COP1: variants seen among roughly 807,000 people sequenced by gnomAD.
COP1 encodes the protein E3 ubiquitin-protein ligase COP1.
Under a neutral mutation model 101.3 loss-of-function variants are expected in COP1, and 24 were observed. The ratio of observed to expected loss-of-function variants is 0.24; its 90% CI spans 0.17 to 0.33. The LOEUF (loss-of-function observed/expected upper bound fraction) is 0.33. Among genes scored for constraint, COP1 ranks in the 10% least tolerant of loss-of-function variants. The probability of loss-of-function intolerance (pLI) is 1.00; values close to 1 mark genes in which losing one functional copy is unlikely to be tolerated. For missense variants in COP1, 663 were observed against 906.2 expected (o/e 0.73, Z 3.45); for synonymous variants, 347 against 341.9 (o/e 1.01, Z -0.17).
rs1351801625 is a variant in COP1, at chr1:176,058,099, C to T, written c.1278-11775G>A. The stretch of plus-strand genomic sequence containing the variant: ...GGAGGGAGGTGGGGAGGTCAGCCCC[C>T]GCCCGGCCAGCCACCCCGTCGGGAG... On this transcript the variant is annotated intron_variant, in intron 11 of 19. Transcript: ENST00000367669. Among the ~76,000 whole-genome samples the T allele has an allele frequency of 2.1e-3, 314 of 146,288 alleles. 1 individual carries two copies. Among genetic ancestry groups the T allele is most frequent in the African/African-American group, 7.4e-3 (295 of 39,882 alleles).
intron 1 of COP1, among the ~76,000 whole-genome samples, chr1:176,192,633 TACCCAATCACA>T (rs1240003650): frequency 6.6e-6 from 1 of 151,980 alleles, no homozygotes; most frequent in African/African-American, 2.4e-5. Flanking sequence ...TTCAGAAGAG[TACCCAATCACA>T]GGCCAATCAA....
intron 3 of COP1, among the ~76,000 whole-genome samples, chr1:176,170,089 T>C (rs1269458426): frequency 2.6e-5 from 4 of 152,226 alleles, no homozygotes; most frequent in Non-Finnish European, 5.9e-5. Flanking sequence ...TTCAGTCACA[T>C]CTTCAGGCTC....
At chr1:175,985,928 ATTTT>A (rs935956104) in intron 18 of COP1, among the ~76,000 whole-genome samples, 3 of 151,958 alleles carry the variant, frequency 2.0e-5, no homozygotes, top group Admixed American at 6.6e-5. Flanking sequence ...TCAAGTCAGA[ATTTT>A]TTTTGTCAAA....
At chr1:176,079,938 G>A (rs1428365067) in intron 11 of COP1, among the ~76,000 whole-genome samples, 1 of 152,084 alleles carries the variant, frequency 6.6e-6, no homozygotes, top group East Asian at 1.9e-4. Flanking sequence ...CATGAGGACT[G>A]CATGAGCCTA....
intron 11 of COP1, among the ~76,000 whole-genome samples, chr1:176,065,730 C>T (rs1400486765): frequency 3.0e-5 from 4 of 134,786 alleles, no homozygotes; most frequent in South Asian, 2.4e-4. Flanking sequence ...TTTTTTCAGA[C>T]GGAGTCTTGC....
At chr1:175,961,354 T>C (rs533083569) in intron 18 of COP1, among the ~76,000 whole-genome samples, 1 of 152,362 alleles carries the variant, frequency 6.6e-6, no homozygotes, top group East Asian at 1.9e-4. Context: ...CGTTTCATTA[T>C]ACAGTAGTGA....
chr1:176,131,639 T>C (rs1031918641), intron 8 of COP1, among the ~76,000 whole-genome samples: 7 of 151,780 alleles, frequency 4.6e-5, no homozygotes, highest in African/African-American at 1.7e-4. Context: ...AGCTAATAAT[T>C]CTGAAAGAAA....
intron 11 of COP1, among the ~76,000 whole-genome samples, chr1:176,060,002 C>A (rs1171698635): frequency 6.6e-6 from 1 of 152,048 alleles, no homozygotes; most frequent in Non-Finnish European, 1.5e-5. Flanking sequence ...TAGCAACCTG[C>A]TAGATAATTG....
intron 2 of COP1, among the ~76,000 whole-genome samples, chr1:176,181,183 T>C (rs1235164261): frequency 6.6e-6 from 1 of 152,148 alleles, no homozygotes; most frequent in Non-Finnish European, 1.5e-5. Context: ...TGTCTCCAAA[T>C]TGTTACTAGG....
chr1:175,988,250 C>T, intron 17 of COP1, 38 bp downstream of exon 17: 2 of 1,570,316 alleles, frequency 1.3e-6, no homozygotes, highest in South Asian at 1.2e-5. Context: ...ATAACAAACA[C>T]CTGTTAAAAA....
At chr1:176,009,329 A>G (rs765836327) in intron 15 of COP1, among the ~76,000 whole-genome samples, 85 of 152,248 alleles carry the variant, frequency 5.6e-4, no homozygotes, top group South Asian at 2.1e-4. Context: ...TCACAATTCA[A>G]AAACATTTTA....
intron 11 of COP1, among the ~76,000 whole-genome samples, chr1:176,060,696 A>G (rs1489356356): frequency 6.6e-6 from 1 of 152,200 alleles, no homozygotes; most frequent in Non-Finnish European, 1.5e-5. Flanking sequence ...TAAAACTATG[A>G]TATAAAGAAA....
intron 2 of COP1, among the ~76,000 whole-genome samples, chr1:176,183,922 C>A (rs1407328134): frequency 6.6e-6 from 1 of 152,006 alleles, no homozygotes; most frequent in Non-Finnish European, 1.5e-5. Flanking sequence ...TGGTGGCTGC[C>A]AGGGGATACA....
intron 9 of COP1, among the ~76,000 whole-genome samples, chr1:176,097,976 C>T (rs546436280): frequency 2.6e-5 from 4 of 151,656 alleles, no homozygotes; most frequent in Non-Finnish European, 4.4e-5. Context: ...TTTCAGTTCA[C>T]GTGACTTTAA....
chr1:176,151,353 A>AAGAAAGAAAG (rs1553292719), intron 5 of COP1, among the ~76,000 whole-genome samples: 1 of 115,992 alleles, frequency 8.6e-6, no homozygotes, highest in Non-Finnish European at 1.7e-5. Context: ...GAAAGAAAGA[A>AAGAAAGAAAG]AAAGAAAGAA....
chr1:176,206,459 C>T, intron 1 of COP1, 113 bp downstream of exon 1: 2 of 1,247,694 alleles, frequency 1.6e-6, no homozygotes, highest in Non-Finnish European at 2.3e-6. Flanking sequence ...CACCACAGCA[C>T]CAGTATCCCA....
chr1:176,027,693 G>C lies in COP1; in HGVS notation c.1613-5C>G, dbSNP rs1194942543. On this transcript the variant is annotated splice_polypyrimidine_tract_variant and splice_region_variant and intron_variant, in intron 14 of 19. Coordinates refer to ENST00000367669, the MANE Select transcript of COP1 (RefSeq NM_022457.7). Reference sequence around the variant, plus strand: ...GATTGGTAGACCACAGCTTCACTAAGGGCAAAGGACAATAAAAACAAAAAG... The same window carrying C: ...GATTGGTAGACCACAGCTTCACTAACGGCAAAGGACAATAAAAACAAAAAG... 6.5e-7 allele frequency: 1 copy of C among 1,546,056 alleles called. No homozygotes were observed. The highest frequency in any genetic ancestry group is 1.7e-5 in the Admixed American group (1 of 59,782).
At chr1:176,192,851 T>TA in intron 1 of COP1, among the ~76,000 whole-genome samples, 1 of 151,108 alleles carries the variant, frequency 6.6e-6, no homozygotes, top group Admixed American at 6.6e-5. Flanking sequence ...GTGTTCCTTG[T>TA]ATCCCTACTT....
chr1:176,012,770 C>T (rs1418062956), intron 15 of COP1, among the ~76,000 whole-genome samples: 2 of 152,076 alleles, frequency 1.3e-5, no homozygotes, highest in African/African-American at 2.4e-5. Flanking sequence ...GCTTTCAGTA[C>T]AGTAGCAAGC....
Sources: allele counts gnomAD v4.1 joint callset (sites outside exome capture counted in the v4.1 genomes callset), GRCh38; gene constraint gnomAD v4.1.1; transcripts MANE v1.5; gene names NCBI Gene and HGNC (gene_info 2026-07-23, HGNC 2026-07-21).